OR1J2: variants seen among roughly 807,000 people sequenced by gnomAD.
OR1J2 encodes olfactory receptor 1J2.
For synonymous variants in OR1J2, 142 were observed against 99.7 expected (o/e 1.42, Z -2.52); for missense variants, 304 against 246.1 (o/e 1.24, Z -1.57).
chr9:122,529,914 A>G, the OR1J2 span, among the ~76,000 whole-genome samples: 2 of 152,220 alleles, frequency 1.3e-5, no homozygotes, highest in African/African-American at 2.4e-5. Flanking sequence ...GTAACAGAGA[A>G]GAAGGCAAAG....
At chr9:122,467,405 G>A in the OR1J2 span, among the ~76,000 whole-genome samples, 1,530 of 152,156 alleles carry the variant, frequency 0.01, 8 homozygotes, top group Middle Eastern at 0.054. Context: ...TCCCAAGAGG[G>A]GGAAATAATT....
At chr9:122,448,706 C>T in the OR1J2 span, among the ~76,000 whole-genome samples, 1 of 152,182 alleles carries the variant, frequency 6.6e-6, no homozygotes. Flanking sequence ...TGCCTGTAAA[C>T]ATACTGTTAA....
chr9:122,540,492 A>G, the OR1J2 span, among the ~76,000 whole-genome samples: 6 of 152,088 alleles, frequency 3.9e-5, no homozygotes, highest in Non-Finnish European at 7.4e-5. Flanking sequence ...TTTTGGTACC[A>G]GTACCATGCT....
At chr9:122,467,826 A>C in the OR1J2 span, among the ~76,000 whole-genome samples, 1 of 152,170 alleles carries the variant, frequency 6.6e-6, no homozygotes, top group Non-Finnish European at 1.5e-5. Context: ...TATTATTACA[A>C]AGCACCCAGT....
the OR1J2 span, among the ~76,000 whole-genome samples, chr9:122,504,578 T>C: frequency 6.6e-6 from 1 of 152,206 alleles, no homozygotes; most frequent in Non-Finnish European, 1.5e-5. Flanking sequence ...TATAATAACT[T>C]GTCCTTTGCT....
chr9:122,476,676 A>G, the OR1J2 span, among the ~76,000 whole-genome samples: 1 of 152,110 alleles, frequency 6.6e-6, no homozygotes, highest in Non-Finnish European at 1.5e-5. Context: ...ATCAGTTAGA[A>G]TAATGGTTTT....
chr9:122,528,511 G>C, the OR1J2 span, among the ~76,000 whole-genome samples: 2 of 151,710 alleles, frequency 1.3e-5, no homozygotes, highest in African/African-American at 4.8e-5. Context: ...GGCCGGAGAA[G>C]CACTTGAGCC....
the OR1J2 span, among the ~76,000 whole-genome samples, chr9:122,536,158 T>C: frequency 6.6e-6 from 1 of 152,168 alleles, no homozygotes; most frequent in South Asian, 2.1e-4. Flanking sequence ...AGTATTAGTA[T>C]TGATTTGTAA....
At chr9:122,577,422 C>A in the OR1J2 span, among the ~76,000 whole-genome samples, 2 of 152,104 alleles carry the variant, frequency 1.3e-5, no homozygotes, top group Non-Finnish European at 2.9e-5. Context: ...TTGGGATAGT[C>A]TGTGTTTAAA....
chr9:122,557,208 A>G, the OR1J2 span, among the ~76,000 whole-genome samples: 1 of 152,092 alleles, frequency 6.6e-6, no homozygotes, highest in African/African-American at 2.4e-5. Context: ...CTGAATCTGT[A>G]TACTTTTCAT....
At chr9:122,451,292 T>C in the OR1J2 span, among the ~76,000 whole-genome samples, 3 of 151,818 alleles carry the variant, frequency 2.0e-5, no homozygotes, top group Non-Finnish European at 4.4e-5. Context: ...TTCAAGTGAT[T>C]CTCCTGCCTC....
the OR1J2 span, among the ~76,000 whole-genome samples, chr9:122,456,545 A>G: frequency 6.6e-6 from 1 of 152,142 alleles, no homozygotes; most frequent in Non-Finnish European, 1.5e-5. Flanking sequence ...CTAGCTGACC[A>G]TTAAGCTAAC....
At chr9:122,568,277 C>G in the OR1J2 span, 2 of 1,614,018 alleles carry the variant, frequency 1.2e-6, no homozygotes, top group Non-Finnish European at 1.7e-6. Context: ...CAGTGAGAGA[C>G]AGAAAACTCA....
At chr9:122,571,153 C>T in the OR1J2 span, among the ~76,000 whole-genome samples, 1 of 152,198 alleles carries the variant, frequency 6.6e-6, no homozygotes, top group Non-Finnish European at 1.5e-5. Flanking sequence ...TCAGAATCCA[C>T]TCTTGCAGCT....
chr9:122,539,040 A>C, the OR1J2 span, among the ~76,000 whole-genome samples: 1 of 152,138 alleles, frequency 6.6e-6, no homozygotes, highest in Middle Eastern at 3.4e-3. Flanking sequence ...AAATACAAAG[A>C]TAGTACACCT....
downstream of OR1J2, chr9:122,511,764 T>C (rs1420718549): frequency 2.6e-6 from 2 of 779,266 alleles, no homozygotes; most frequent in African/African-American, 3.4e-5. Context: ...TTTAAAAAAT[T>C]AGAATCTCAT....
At chr9:122,454,714 G>A in the OR1J2 span, among the ~76,000 whole-genome samples, 385 of 152,238 alleles carry the variant, frequency 2.5e-3, 2 homozygotes, top group African/African-American at 8.9e-3. Flanking sequence ...GAAGGCATAG[G>A]GCTAGAAAGG....
At chr9:122,509,685 C>T (rs2119376832), upstream of OR1J2, among the ~76,000 whole-genome samples, 1 of 151,994 alleles carries the variant, frequency 6.6e-6, no homozygotes, top group East Asian at 1.9e-4. Context: ...AAAGGGAGGG[C>T]AAGAAAGAAA....
chr9:122,504,279 C>G, the OR1J2 span, among the ~76,000 whole-genome samples: 1 of 152,212 alleles, frequency 6.6e-6, no homozygotes, highest in Non-Finnish European at 1.5e-5. Context: ...TGCAACTCTT[C>G]TATTGGAGTT....
Sources: gnomAD v4.1 joint callset for allele counts (sites outside exome capture counted in the v4.1 genomes callset) on GRCh38, gnomAD v4.1.1 for gene constraint, MANE v1.5 for transcripts, NCBI Gene and HGNC (gene_info 2026-07-23, HGNC 2026-07-21) for gene names.